Variants in JMJD1C observed in about 807,000 individuals in gnomAD.
JMJD1C encodes the protein jumonji domain-containing protein 1C.
In JMJD1C, 31 loss-of-function variants were observed where a neutral mutation model predicts 245.3. That is an observed-to-expected ratio of 0.13 (90% CI 0.09 to 0.17). JMJD1C has a LOEUF of 0.17. JMJD1C is among the 10% of genes least tolerant of loss of function. The pLI, the probability that JMJD1C is intolerant of heterozygous loss-of-function variation, is 1.00. For synonymous variants in JMJD1C, 1,057 were observed against 1,017.4 expected (o/e 1.04, Z -0.74); for missense variants, 2,691 against 3,000.2 (o/e 0.90, Z 2.41).
At chr10:63,404,239 C>T (rs1949040869) in intron 1 of JMJD1C, among the ~76,000 whole-genome samples, 1 of 152,108 alleles carries the variant, frequency 6.6e-6, no homozygotes, top group African/African-American at 2.4e-5. Flanking sequence ...ACATAAAATG[C>T]AGTTATTTAG....
chr10:63,205,827 TTTTG>T (rs1338916420), intron 10 of JMJD1C, among the ~76,000 whole-genome samples: 3 of 152,206 alleles, frequency 2.0e-5, no homozygotes, highest in Admixed American at 1.3e-4. Flanking sequence ...TTCCATCATT[TTTTG>T]TTTATTTTTT....
chr10:63,218,333 CT>C (rs1201648430), intron 4 of JMJD1C, among the ~76,000 whole-genome samples: 4 of 151,974 alleles, frequency 2.6e-5, no homozygotes, highest in African/African-American at 9.7e-5. Flanking sequence ...AATCAATGAA[CT>C]GTAGAAAGTA....
In JMJD1C at chr10:63,313,344, T is replaced by C. The variant is rs141829307; in HGVS notation, c.334-48580A>G. 5.0e-3 allele frequency among the ~76,000 whole-genome samples: 769 copies of C among 152,332 alleles called. 6 individuals carry two copies. The highest frequency in any genetic ancestry group is 0.018 in the African/African-American group (739 of 41,578). ...AAGAATTTCTTTATCCACTCCTTGA[T>C]TGATGAGCATTTGTGCCAGTTCCAT... On this transcript the variant is annotated intron_variant, in intron 2 of 25. Transcript: ENST00000399262.
rs772774859 is a variant in JMJD1C, at chr10:63,206,733, G to A, written c.4936C>T (p.Pro1646Ser). 2.0e-5 allele frequency: 33 copies of A among 1,613,582 alleles called. No homozygotes were observed. The highest frequency in any genetic ancestry group is 2.5e-5 in the Non-Finnish European group (29 of 1,179,916). ...SKSEQRTKRQ[P>S]KPTYKKKQND... ...TGCTTCTTTTTGTAAGTTGGCTTAG[G>A]TTGTCTTTTAGTCCTTTGCTCTGAC... Residue 1646 changes from proline to serine, a missense_variant, in exon 10 of 26, where the codon CCT becomes TCT. By Grantham distance (74) the Pro-to-Ser change is moderately conservative. Around this residue, in one of 9 missense-constraint regions of JMJD1C, gnomAD observed 144 missense variants for 143.3 expected, o/e 1.00. Coordinates refer to ENST00000399262, the MANE Select transcript of JMJD1C (RefSeq NM_032776.3).
chr10:63,277,173 G>A (rs1001796814), intron 2 of JMJD1C, among the ~76,000 whole-genome samples: 1 of 151,826 alleles, frequency 6.6e-6, no homozygotes, highest in African/African-American at 2.4e-5. Flanking sequence ...GAGCCACCGT[G>A]CCTGGCCAAA....
intron 10 of JMJD1C, 112 bp downstream of exon 10, chr10:63,206,483 G>A (rs908552896): frequency 2.6e-5 from 19 of 738,294 alleles, no homozygotes; most frequent in Admixed American, 1.8e-4. Context: ...GCTAAGGCAC[G>A]CAAATGAAGA....
intron 1 of JMJD1C, among the ~76,000 whole-genome samples, chr10:63,426,454 C>T (rs1037787135): frequency 2.0e-5 from 3 of 152,098 alleles, no homozygotes; most frequent in South Asian, 4.1e-4. Context: ...AGGTGGATCA[C>T]GATGTCAGGA....
At chr10:63,439,670 G>A (rs1564921464) in intron 1 of JMJD1C, among the ~76,000 whole-genome samples, 2 of 151,970 alleles carry the variant, frequency 1.3e-5, no homozygotes, top group Non-Finnish European at 2.9e-5. Context: ...CTTAACAAAA[G>A]TCACCTCAAA....
chr10:63,370,011 T>C (rs1046807299), intron 2 of JMJD1C, among the ~76,000 whole-genome samples: 3 of 152,308 alleles, frequency 2.0e-5, no homozygotes, highest in African/African-American at 4.8e-5. Flanking sequence ...TCAGCTAGTA[T>C]GTGATTTTGA....
At chr10:63,190,756 A>G in intron 17 of JMJD1C, 138 bp downstream of exon 17, 2 of 674,390 alleles carry the variant, frequency 3.0e-6, no homozygotes, top group Non-Finnish European at 5.2e-6. Flanking sequence ...AGAGAGTTAT[A>G]ATGCAAATAG....
chr10:63,226,168 T>C (rs1317127240), intron 3 of JMJD1C, among the ~76,000 whole-genome samples: 2 of 152,238 alleles, frequency 1.3e-5, no homozygotes, highest in Admixed American at 6.5e-5. Context: ...TACCTTTCTA[T>C]AAACTTCTAA....
intron 2 of JMJD1C, among the ~76,000 whole-genome samples, chr10:63,315,200 G>A (rs545076665): frequency 6.6e-6 from 1 of 152,002 alleles, no homozygotes; most frequent in African/African-American, 2.4e-5. Flanking sequence ...TGAAGTTTGG[G>A]GTATGAATTA....
intron 1 of JMJD1C, among the ~76,000 whole-genome samples, chr10:63,509,808 G>A (rs1253030831): frequency 1.3e-5 from 2 of 152,012 alleles, no homozygotes; most frequent in Non-Finnish European, 2.9e-5. Flanking sequence ...AGCTGGTCTA[G>A]CTAAAAGATT....
At chr10:63,259,886 T>C (rs537403615) in intron 3 of JMJD1C, among the ~76,000 whole-genome samples, 2 of 152,204 alleles carry the variant, frequency 1.3e-5, no homozygotes, top group Non-Finnish European at 2.9e-5. Flanking sequence ...CTCCAAACTT[T>C]ATCAGCTCAT....
At chr10:63,424,652 G>A (rs1385877003) in intron 1 of JMJD1C, among the ~76,000 whole-genome samples, 2 of 151,794 alleles carry the variant, frequency 1.3e-5, no homozygotes, top group East Asian at 1.9e-4. Context: ...GATTACAGGT[G>A]TGAGCCACCA....
At chr10:63,193,213 G>C (rs1028299257) in intron 15 of JMJD1C, 62 bp from the exon 16 acceptor site, 18 of 1,500,344 alleles carry the variant, frequency 1.2e-5, no homozygotes, top group Non-Finnish European at 1.6e-5. Flanking sequence ...TAGTAGTATA[G>C]ATACAAAAAA....
intron 2 of JMJD1C, among the ~76,000 whole-genome samples, chr10:63,305,629 CGTGTGTGT>C (rs36038855): frequency 0.013 from 1,609 of 121,750 alleles, 16 homozygotes; most frequent in East Asian, 0.028. Flanking sequence ...ACCATGCTGG[CGTGTGTGT>C]GTGTGTGTGT....
At chr10:63,218,977 G>C (rs1848297393) in intron 4 of JMJD1C, among the ~76,000 whole-genome samples, 1 of 152,126 alleles carries the variant, frequency 6.6e-6, no homozygotes, top group African/African-American at 2.4e-5. Flanking sequence ...AAAATGGATA[G>C]AATAGGGTGA....
rs189699927 is a variant in JMJD1C at position 63,390,308 on chromosome 10, C to A, written c.169-9826G>T. ...AAATGGATAAATTCCTGGACACATA[C>A]AACTACCAAGATTGAATCAGGAAGA... On this transcript the variant is annotated intron_variant, in intron 1 of 25. Transcript: ENST00000399262. 1.0e-3 allele frequency among the ~76,000 whole-genome samples: 155 copies of A among 152,162 alleles called. 2 individuals carry two copies. Among genetic ancestry groups the A allele is most frequent in the Non-Finnish European group, 1.3e-3 (90 of 67,994 alleles).
Sources: allele counts gnomAD v4.1 joint callset (sites outside exome capture counted in the v4.1 genomes callset), GRCh38; gene constraint gnomAD v4.1.1; regional missense constraint gnomAD v4.1.1; transcripts MANE v1.5; gene names NCBI Gene and HGNC (gene_info 2026-07-23, HGNC 2026-07-21).